The following EYS variants were observed in gnomAD, a reference collection of about 807,000 sequenced individuals.
EYS encodes the protein EGF-like photoreceptor maintenance factor, also known as protein eyes shut homolog.
EYS carries 250 observed loss-of-function variants against 282.1 expected under a neutral mutation model. That is an observed-to-expected ratio of 0.89 (90% CI 0.80 to 0.98). The LOEUF is 0.98. EYS is among the 50% of genes least tolerant of loss of function. The pLI is 0.00. For missense variants in EYS, 4,016 were observed against 3,709.0 expected, an observed-to-expected ratio of 1.08 and a Z score of -2.15; for synonymous variants, 1,355 against 1,282.9, an observed-to-expected ratio of 1.06 and a Z score of -1.20.
At chr6:64,163,973 T>C (rs1479893424) in intron 31 of EYS, among the ~76,000 whole-genome samples, 1 of 152,112 alleles carries the variant, frequency 6.6e-6, no homozygotes, top group Non-Finnish European at 1.5e-5. Flanking sequence ...AAGGAAGATT[T>C]TAAAGTGTGG....
intron 12 of EYS, among the ~76,000 whole-genome samples, chr6:65,230,054 T>C (rs1026799735): frequency 6.6e-6 from 1 of 151,706 alleles, no homozygotes; most frequent in African/African-American, 2.4e-5. Flanking sequence ...AGTATAGGGG[T>C]CAATGAACTA....
At position 64,591,769 on chromosome 6, in the gene EYS, T is replaced by A; in HGVS notation, c.4098A>T (p.Thr1366=). Residue 1366 remains threonine, a synonymous_variant, in exon 26 of 43, where the codon ACA becomes ACT. Coordinates refer to ENST00000503581, the MANE Select transcript of EYS (RefSeq NM_001142800.2). ...TTCGAATAGGCATATGTGATACCGA[T>A]GTTTTGTCCTGGACAATTTGTGCTG... The part of the protein sequence containing the change: ...RDPAQIVQDK[T]SVSHMPIRTS... 1 of 1,551,350 alleles carries A rather than the reference T, an allele frequency of 6.4e-7. No individual in the cohort carries two copies. The highest frequency in any genetic ancestry group is 8.7e-7 in the Non-Finnish European group (1 of 1,146,738).
At chr6:64,320,231 T>C (rs1770162516) in intron 29 of EYS, among the ~76,000 whole-genome samples, 1 of 151,972 alleles carries the variant, frequency 6.6e-6, no homozygotes, top group Non-Finnish European at 1.5e-5. Context: ...GATATTTTTC[T>C]TCAAATCTGG....
At chr6:65,594,270 T>A (rs354364) in intron 2 of EYS, among the ~76,000 whole-genome samples, 4 of 151,732 alleles carry the variant, frequency 2.6e-5, no homozygotes, top group Non-Finnish European at 1.5e-5. Flanking sequence ...AGAACACTTA[T>A]TGCTGTAAGC....
intron 24 of EYS, among the ~76,000 whole-genome samples, chr6:64,611,931 G>A (rs1360362177): frequency 6.6e-6 from 1 of 152,006 alleles, no homozygotes; most frequent in African/African-American, 2.4e-5. Context: ...TTCCTATTAG[G>A]AGATAATAAA....
At chr6:64,654,630 A>T (rs1768681974) in intron 22 of EYS, among the ~76,000 whole-genome samples, 2 of 152,170 alleles carry the variant, frequency 1.3e-5, no homozygotes, top group African/African-American at 4.8e-5. Context: ...AAGTTCTGTG[A>T]TTTTAGTTAC....
chr6:63,786,065 G>A (rs963410851), intron 39 of EYS: 20 of 151,956 alleles, frequency 1.3e-4, no homozygotes, highest in Admixed American at 5.9e-4. Flanking sequence ...AATCAGCTTT[G>A]TAAGGATATG....
chr6:64,655,093 A>G (rs1292778509), intron 22 of EYS, among the ~76,000 whole-genome samples: 1 of 152,190 alleles, frequency 6.6e-6, no homozygotes, highest in Non-Finnish European at 1.5e-5. Flanking sequence ...CTTATCATTC[A>G]TGTAATCATT....
At chr6:64,622,157 G>A (rs1030169114) in intron 23 of EYS, among the ~76,000 whole-genome samples, 1 of 152,142 alleles carries the variant, frequency 6.6e-6, no homozygotes, top group Non-Finnish European at 1.5e-5. Flanking sequence ...CAAAGAGGAT[G>A]AGTGAGGTCT....
intron 12 of EYS, among the ~76,000 whole-genome samples, chr6:65,086,446 T>C (rs1050711752): frequency 1.3e-5 from 2 of 152,208 alleles, no homozygotes; most frequent in Admixed American, 1.3e-4. Context: ...TGGTTTCTTT[T>C]TTCCTTTTTG....
intron 22 of EYS, among the ~76,000 whole-genome samples, chr6:64,742,636 G>T (rs905587975): frequency 6.6e-6 from 1 of 152,146 alleles, no homozygotes; most frequent in African/African-American, 2.4e-5. Flanking sequence ...GATGGATGTG[G>T]TTATGTCCCT....
intron 22 of EYS, among the ~76,000 whole-genome samples, chr6:64,806,367 C>T (rs1266031690): frequency 6.6e-6 from 1 of 151,924 alleles, no homozygotes; most frequent in Non-Finnish European, 1.5e-5. Context: ...AGTTTTTTAT[C>T]TAAGCATATA....
chr6:65,064,111 A>G (rs1006878959), intron 12 of EYS, among the ~76,000 whole-genome samples: 1 of 146,006 alleles, frequency 6.8e-6, no homozygotes, highest in African/African-American at 2.5e-5. Context: ...AATATACTAT[A>G]TATAGTATAT....
At chr6:64,565,899 C>T (rs1464902196) in intron 26 of EYS, among the ~76,000 whole-genome samples, 1 of 149,156 alleles carries the variant, frequency 6.7e-6, no homozygotes, top group African/African-American at 2.5e-5. Context: ...CAATACAATT[C>T]TTTAAAATTA....
chr6:64,727,002 A>C (rs1178476246), intron 22 of EYS, among the ~76,000 whole-genome samples: 1 of 152,192 alleles, frequency 6.6e-6, no homozygotes, highest in Admixed American at 6.5e-5. Context: ...AATGCAAGGA[A>C]TCCTGTCACC....
At chr6:65,577,734 T>C (rs1448780724) in intron 2 of EYS, among the ~76,000 whole-genome samples, 2 of 122,530 alleles carry the variant, frequency 1.6e-5, no homozygotes, top group Non-Finnish European at 3.4e-5. Context: ...ATATTAATAA[T>C]AATAAAAGCC....
intron 1 of EYS, among the ~76,000 whole-genome samples, chr6:65,673,120 T>C (rs949336735): frequency 6.6e-6 from 1 of 152,144 alleles, no homozygotes; most frequent in African/African-American, 2.4e-5. Context: ...ACAGGGGATA[T>C]GATGGCTTAG....
intron 21 of EYS, 134 bp from the exon 22 acceptor site, chr6:64,813,711 T>C (rs1764666675): frequency 1.3e-5 from 7 of 528,174 alleles, no homozygotes; most frequent in Non-Finnish European, 2.2e-5. Flanking sequence ...CCTCTGTTAA[T>C]TGAAATATAT....
chr6:65,410,248 A>G (rs1766929295), intron 5 of EYS, among the ~76,000 whole-genome samples: 1 of 152,046 alleles, frequency 6.6e-6, no homozygotes, highest in Admixed American at 6.6e-5. Flanking sequence ...GTCTATTCTT[A>G]CCCAGTTTTA....
Sources: gnomAD v4.1 joint callset for allele counts (sites outside exome capture counted in the v4.1 genomes callset) on GRCh38, gnomAD v4.1.1 for gene constraint, MANE v1.5 for transcripts, NCBI Gene and HGNC (gene_info 2026-07-23, HGNC 2026-07-21) for gene names.